Variants in RHBDF1 observed in about 807,000 individuals in gnomAD.
RHBDF1 encodes inactive rhomboid protein 1.
Under a neutral mutation model 98.6 loss-of-function variants are expected in RHBDF1, and 80 were observed. The observed-to-expected ratio is 0.81, with a 90% CI of 0.68 to 0.98. The LOEUF is 0.98. Ranked by LOEUF, RHBDF1 falls within the 50% of genes least tolerant of loss-of-function variation. The pLI is 0.00. For synonymous variants in RHBDF1, 512 were observed against 486.8 expected (o/e 1.05, Z -0.68); for missense variants, 1,116 against 1,198.3 (o/e 0.93, Z 1.01).
intron 1 of RHBDF1, among the ~76,000 whole-genome samples, chr16:66,104 G>A (rs1897823114): frequency 6.6e-6 from 1 of 152,234 alleles, no homozygotes; most frequent in South Asian, 2.1e-4. Context: ...GATTCCAGTG[G>A]AGACCCAGAT....
chr16:61,979 C>G lies in RHBDF1; in HGVS notation c.1027G>C (p.Glu343Gln), dbSNP rs954724760. The change falls in exon 8 of 18, where the codon GAG (glutamate) becomes CAG (glutamine). Residue 343 changes from glutamate to glutamine, a missense_variant. Glu to Gln is a conservative substitution (Grantham distance 29). Coordinates refer to ENST00000262316, the MANE Select transcript of RHBDF1 (RefSeq NM_022450.5). ...CGCGGCCCCGCGGTGCTCACCACCT[C>G]CTGTCGGAGCCGCACCTTGGGCTGC... ...APQPKVRLRQEVVSTAGPRRG... is the reference protein window; with the variant it reads ...APQPKVRLRQQVVSTAGPRRG... 1.3e-6 allele frequency: 2 copies of G among 1,584,122 alleles called. No homozygotes were observed. The highest frequency in any genetic ancestry group is 2.7e-5 in the African/African-American group (2 of 74,332).
Position 61,520 on chromosome 16 carries a change from G to T in RHBDF1, c.1321-61C>A. On this transcript the variant is annotated intron_variant, in intron 9 of 17. Coordinates refer to ENST00000262316, the MANE Select transcript of RHBDF1 (RefSeq NM_022450.5). Reference sequence around the variant, plus strand: ...ACTCTGGCCCTCTCCTCCCAGAGCGGGTCGGGAGGGGGTCCAGTGCCCGGA... The same window carrying T: ...ACTCTGGCCCTCTCCTCCCAGAGCGTGTCGGGAGGGGGTCCAGTGCCCGGA... 5 of 1,610,670 alleles carry T rather than the reference G, an allele frequency of 3.1e-6. No homozygotes were observed. In the African/African-American group the frequency reaches 5.3e-5, roughly 17 times the overall value.
chr16:65,075 G>A (rs1219177928), intron 1 of RHBDF1, 36 bp from the exon 2 acceptor site: 9 of 1,481,564 alleles, frequency 6.1e-6, no homozygotes, highest in African/African-American at 5.6e-5. Context: ...TAATGACAAA[G>A]CTGACATCTG....
At position 59,015 on chromosome 16, in the gene RHBDF1, C is replaced by T. The variant is rs745777268; in HGVS notation, c.2107G>A (p.Gly703Ser). Residue 703 changes from glycine (G) to serine (S), a missense_variant, in exon 17 of 18, where the codon GGC (glycine) becomes AGC (serine). By Grantham distance (56) the Gly-to-Ser change is moderately conservative (BLOSUM62 0). Transcript: ENST00000262316. ...AGGAAGATGGCACTGGCCAGGTTGC[C>T]GGTGACACCACTCAGCAGGTAGATG... is the stretch of plus-strand genomic sequence containing the variant. Reference protein sequence around the residue: ...AIIYLLSGVTGNLASAIFLPY... With the variant: ...AIIYLLSGVTSNLASAIFLPY... 6.8e-5 allele frequency: 110 copies of T among 1,613,142 alleles called. No individual in the cohort carries two copies. Among genetic ancestry groups the T allele is most frequent in the East Asian group, 1.1e-4 (5 of 44,902 alleles).
intron 3 of RHBDF1, chr16:64,390 G>A (rs534636537): frequency 7.2e-7 from 1 of 1,386,662 alleles, no homozygotes; most frequent in South Asian, 1.2e-5. Flanking sequence ...GGCAGCCCGG[G>A]GACCCAAGAG....
chr16:73,557 G>A (rs1371483482), upstream of RHBDF1, among the ~76,000 whole-genome samples: 2 of 152,204 alleles, frequency 1.3e-5, no homozygotes, highest in Non-Finnish European at 2.9e-5. Context: ...ACACTGGGTG[G>A]GCTGACCCTC....
At chr16:68,032 GT>G (rs1897874062) in intron 1 of RHBDF1, among the ~76,000 whole-genome samples, 3 of 152,104 alleles carry the variant, frequency 2.0e-5, no homozygotes, top group South Asian at 4.2e-4. Context: ...GGGGACCACA[GT>G]CGGCCCCAGG....
upstream of RHBDF1, among the ~76,000 whole-genome samples, chr16:75,763 G>C (rs1392509746): frequency 6.6e-6 from 1 of 152,150 alleles, no homozygotes; most frequent in African/African-American, 2.4e-5. Flanking sequence ...ACAGATGGCC[G>C]CAGAGACCAG....
chr16:65,759 G>GGGTGACACAGCA (rs1157027917), intron 1 of RHBDF1, among the ~76,000 whole-genome samples: 1 of 152,212 alleles, frequency 6.6e-6, no homozygotes, highest in Admixed American at 6.5e-5. Context: ...TCAGGAAAGA[G>GGGTGACACAGCA]GGTGACACAG....
At position 59,504 on chromosome 16, in the gene RHBDF1, C is replaced by T. The variant is rs1596464372; in HGVS notation, c.1818-10G>A. 1 of 1,612,170 alleles carries T rather than the reference C, an allele frequency of 6.2e-7. No homozygotes were observed. The highest frequency in any genetic ancestry group is 1.3e-5 in the African/African-American group (1 of 74,906). ...GGAGGTGATCTCACACCTAGAAAGG[C>T]AGGCCAGGGTTCGGAGACTGCTGCC... On this transcript the variant is annotated splice_polypyrimidine_tract_variant and intron_variant, in intron 14 of 17. Transcript: ENST00000262316.
At chr16:72,907 T>C (rs560367691), upstream of RHBDF1, among the ~76,000 whole-genome samples, 11 of 152,136 alleles carry the variant, frequency 7.2e-5, no homozygotes, top group Admixed American at 6.5e-4. Flanking sequence ...AGGCTTGAGC[T>C]GTCCTGCCCT....
At chr16:65,160 T>A in intron 1 of RHBDF1, 121 bp from the exon 2 acceptor site, 1 of 1,054,308 alleles carries the variant, frequency 9.5e-7, no homozygotes, top group Non-Finnish European at 1.3e-6. Context: ...TGTCCCCCAC[T>A]GTCAGAGCAC....
At position 63,191 on chromosome 16, in the gene RHBDF1, G is replaced by T; in HGVS notation, c.463-9C>A. The stretch of plus-strand genomic sequence containing the variant: ...GCCAGGGGGTCTATGATCTGGAGGA[G>T]GGGAGGAGATGCTGGAGTCAGGACC... On this transcript the variant is annotated splice_polypyrimidine_tract_variant and intron_variant, in intron 4 of 17. Transcript: ENST00000262316. 6.4e-7 allele frequency: 1 copy of T among 1,559,148 alleles called. No homozygotes were observed. Among genetic ancestry groups the T allele is most frequent in the South Asian group, 1.2e-5 (1 of 85,212 alleles).
At chr16:76,076 G>T (rs773189548), upstream of RHBDF1, among the ~76,000 whole-genome samples, 1 of 152,172 alleles carries the variant, frequency 6.6e-6, no homozygotes, top group Non-Finnish European at 1.5e-5. Context: ...TATTGTGGAG[G>T]TCGGGGGTCA....
chr16:68,586 A>G (rs1425173619), intron 1 of RHBDF1, among the ~76,000 whole-genome samples: 1 of 152,222 alleles, frequency 6.6e-6, no homozygotes, highest in Non-Finnish European at 1.5e-5. Context: ...TCACTGCAGC[A>G]GCCTCACAGC....
chr16:75,825 AGAG>A (rs1898076547), upstream of RHBDF1, among the ~76,000 whole-genome samples: 3 of 152,172 alleles, frequency 2.0e-5, no homozygotes, highest in South Asian at 6.2e-4. Context: ...AAAGCTGTGT[AGAG>A]GAGTCCATGG....
At position 63,651 on chromosome 16, in the gene RHBDF1, G is replaced by A. The variant is rs930928425; in HGVS notation, c.398C>T (p.Ser133Leu). 12 of 1,608,544 alleles carry A rather than the reference G, an allele frequency of 7.5e-6. No homozygotes were observed. The highest frequency in any genetic ancestry group is 1.7e-5 in the Admixed American group (1 of 59,488). Reference sequence around the variant, plus strand: ...GGGTGGCGTCTCGGTGCTGGTCAGCGACACGTTGTCCTGGCTGGGCAGGTC... The same window carrying A: ...GGGTGGCGTCTCGGTGCTGGTCAGCAACACGTTGTCCTGGCTGGGCAGGTC... Reference protein sequence around the residue: ...ELDLPSQDNVSLTSTETPPPL... With the variant: ...ELDLPSQDNVLLTSTETPPPL... Residue 133 changes from serine to leucine, a missense_variant, in exon 4 of 18, where the codon TCG becomes TTG. Physicochemically the swap from Ser to Leu is moderately radical, Grantham distance 145 (BLOSUM62 -2). Coordinates refer to ENST00000262316, the MANE Select transcript of RHBDF1 (RefSeq NM_022450.5).
In RHBDF1 at chr16:58,959, G is replaced by C; in HGVS notation, c.2148+15C>G. On this transcript the variant is annotated intron_variant, in intron 17 of 17. Transcript: ENST00000262316. ...GTGCACACGGGAGGATCCCCACCCT[G>C]AGGGCCAGCCTTACCTCTGCTCGGT... is the stretch of plus-strand genomic sequence containing the variant. The C allele has an allele frequency of 1.2e-6, 2 of 1,612,066 alleles. No individual in the cohort carries two copies.
intron 16 of RHBDF1, 21 bp from the exon 17 acceptor site, chr16:59,148 G>C (rs375797502): frequency 1.2e-6 from 2 of 1,608,306 alleles, no homozygotes; most frequent in African/African-American, 2.7e-5. Flanking sequence ...TAGCAGGCGG[G>C]GGTCGGGAGA....
Sources: gnomAD v4.1 joint callset for allele counts (sites outside exome capture counted in the v4.1 genomes callset) on GRCh38, gnomAD v4.1.1 for gene constraint, MANE v1.5 for transcripts, NCBI Gene and HGNC (gene_info 2026-07-23, HGNC 2026-07-21) for gene names.